Variants in OSBPL10 observed in about 807,000 individuals in gnomAD.
OSBPL10 encodes the protein oxysterol binding protein like 10.
Under a neutral mutation model 81.7 loss-of-function variants are expected in OSBPL10, and 49 were observed. The observed-to-expected ratio is 0.60, with a 90% CI of 0.48 to 0.76. OSBPL10 has a LOEUF of 0.76. Ranked by LOEUF, OSBPL10 falls within the 30% of genes least tolerant of loss-of-function variation. The probability of loss-of-function intolerance (pLI) is 0.00; values close to 1 mark genes in which losing one functional copy is unlikely to be tolerated. For missense variants in OSBPL10, 923 were observed against 987.8 expected (o/e 0.93, Z 0.88); for synonymous variants, 419 against 383.6 (o/e 1.09, Z -1.08).
intron 2 of OSBPL10, among the ~76,000 whole-genome samples, chr3:32,003,355 G>A (rs1021507768): frequency 1.3e-5 from 2 of 152,196 alleles, no homozygotes; most frequent in African/African-American, 4.8e-5. Context: ...AGTGCTAAGG[G>A]GGAGTTCCCC....
chr3:31,752,860 C>T (rs1044255278), intron 4 of OSBPL10, among the ~76,000 whole-genome samples: 1 of 152,194 alleles, frequency 6.6e-6, no homozygotes, highest in African/African-American at 2.4e-5. Context: ...AGTCACTCCT[C>T]CATTACTCTC....
intron 4 of OSBPL10, among the ~76,000 whole-genome samples, chr3:31,789,550 C>A (rs1246132785): frequency 6.6e-6 from 1 of 152,198 alleles, no homozygotes; most frequent in African/African-American, 2.4e-5. Context: ...TCGGCATGTG[C>A]CTGTGAAAGA....
chr3:31,684,160 G>C, intron 7 of OSBPL10, 46 bp from the exon 8 acceptor site: 1 of 1,591,120 alleles, frequency 6.3e-7, no homozygotes, highest in Non-Finnish European at 8.6e-7. Flanking sequence ...GGGATTACAC[G>C]GAAAAGCTGA....
chr3:31,835,115 A>G (rs1272889070), intron 3 of OSBPL10, among the ~76,000 whole-genome samples: 2 of 152,176 alleles, frequency 1.3e-5, no homozygotes, highest in Non-Finnish European at 2.9e-5. Flanking sequence ...GGTCCTTGGT[A>G]TCTTAAGTAG....
rs192078576 is a variant in OSBPL10 at position 31,876,422 on chromosome 3, C to G, written c.537+11G>C. The G allele has an allele frequency of 6.2e-7, 1 of 1,600,962 alleles. No homozygotes were observed. The highest frequency in any genetic ancestry group is 8.6e-7 in the Non-Finnish European group (1 of 1,167,982). On this transcript the variant is annotated intron_variant, in intron 3 of 11. Transcript: ENST00000396556. ...ATTCGAATGCCTCCTTCCTTTCTCA[C>G]GGTGACTTACCTTAGAATTCATTTC...
intron 4 of OSBPL10, among the ~76,000 whole-genome samples, chr3:31,774,379 C>T (rs909558993): frequency 5.3e-5 from 8 of 152,162 alleles, no homozygotes; most frequent in East Asian, 1.9e-4. Flanking sequence ...GCCACAACAA[C>T]GCCCTGGAGC....
chr3:31,821,320 C>A (rs1699979005), intron 4 of OSBPL10, among the ~76,000 whole-genome samples: 1 of 152,076 alleles, frequency 6.6e-6, no homozygotes, highest in Non-Finnish European at 1.5e-5. Context: ...TTCCACAGAC[C>A]ACACAAATGT....
intron 3 of OSBPL10, among the ~76,000 whole-genome samples, chr3:31,869,258 T>G (rs1023754459): frequency 1.3e-5 from 2 of 152,198 alleles, no homozygotes; most frequent in Admixed American, 1.3e-4. Flanking sequence ...GCTCAATACA[T>G]CATTGGCAGA....
At chr3:31,892,612 C>A (rs1404230853) in intron 1 of OSBPL10, among the ~76,000 whole-genome samples, 1 of 152,188 alleles carries the variant, frequency 6.6e-6, no homozygotes, top group Non-Finnish European at 1.5e-5. Flanking sequence ...TTGATAAGAA[C>A]AAGCAGAGCT....
At chr3:31,901,248 T>C (rs546765539) in intron 1 of OSBPL10, among the ~76,000 whole-genome samples, 1 of 152,324 alleles carries the variant, frequency 6.6e-6, no homozygotes, top group Non-Finnish European at 1.5e-5. Flanking sequence ...GTAAATGAGA[T>C]CCCCTTGCAC....
chr3:31,937,575 CA>C (rs1697412702), intron 1 of OSBPL10, among the ~76,000 whole-genome samples: 1 of 152,032 alleles, frequency 6.6e-6, no homozygotes, highest in East Asian at 1.9e-4. Context: ...CAGTCCTGTC[CA>C]AAGTTCAAGC....
At chr3:31,737,185 G>A (rs1028300805) in intron 5 of OSBPL10, among the ~76,000 whole-genome samples, 9 of 152,086 alleles carry the variant, frequency 5.9e-5, no homozygotes, top group Admixed American at 1.3e-4. Context: ...TCAAAGAGCC[G>A]GTGCATGAGA....
intron 1 of OSBPL10, among the ~76,000 whole-genome samples, chr3:31,881,295 G>GA (rs958876961): frequency 3.3e-5 from 5 of 152,066 alleles, no homozygotes; most frequent in African/African-American, 4.8e-5. Context: ...AATGAATAAA[G>GA]AAAAAAACCT....
intron 2 of OSBPL10, 55 bp from the exon 3 acceptor site, chr3:31,876,567 T>C: frequency 6.8e-7 from 1 of 1,469,726 alleles, no homozygotes; most frequent in Non-Finnish European, 9.5e-7. Context: ...CCAAAACACA[T>C]CCAACTTATT....
intron 4 of OSBPL10, among the ~76,000 whole-genome samples, chr3:31,770,234 T>C (rs1000677807): frequency 6.6e-6 from 1 of 152,204 alleles, no homozygotes; most frequent in Non-Finnish European, 1.5e-5. Flanking sequence ...AAAATGCCTA[T>C]TTTTCCTTTC....
intron 4 of OSBPL10, among the ~76,000 whole-genome samples, chr3:31,816,675 C>A (rs1436447615): frequency 2.0e-5 from 3 of 152,166 alleles, no homozygotes; most frequent in Non-Finnish European, 4.4e-5. Flanking sequence ...GGCCTGAGTT[C>A]TCACCTGCAT....
At chr3:31,837,659 A>G (rs1700394803) in intron 3 of OSBPL10, among the ~76,000 whole-genome samples, 1 of 151,452 alleles carries the variant, frequency 6.6e-6, no homozygotes, top group African/African-American at 2.4e-5. Flanking sequence ...CAAAAAAAAA[A>G]AAAAATCAAT....
chr3:31,876,760 T>C (rs1347264418), intron 2 of OSBPL10, among the ~76,000 whole-genome samples: 1 of 152,194 alleles, frequency 6.6e-6, no homozygotes, highest in Non-Finnish European at 1.5e-5. Context: ...ATACCCGTTA[T>C]AAGAATAATT....
intron 4 of OSBPL10, among the ~76,000 whole-genome samples, chr3:31,792,591 TGGTGTATGAG>T (rs1479363370): frequency 2.6e-5 from 4 of 151,942 alleles, no homozygotes; most frequent in Admixed American, 2.6e-4. Context: ...GGTGGGTGAT[TGGTGTATGAG>T]GGTGTGTGCT....
Sources: gnomAD v4.1 joint callset for allele counts (sites outside exome capture counted in the v4.1 genomes callset) on GRCh38, gnomAD v4.1.1 for gene constraint, MANE v1.5 for transcripts, NCBI Gene and HGNC (gene_info 2026-07-23, HGNC 2026-07-21) for gene names.